LY6G6C: variants seen among roughly 807,000 people sequenced by gnomAD.
LY6G6C encodes the protein lymphocyte antigen 6 family member G6C.
In LY6G6C, 12 loss-of-function variants were observed where a neutral mutation model predicts 12.8. That is an observed-to-expected ratio of 0.94 (90% CI 0.60 to 1.52). The LOEUF is 1.52. Among genes scored for constraint, LY6G6C ranks in the 40% most tolerant of loss-of-function variants. The pLI, the probability that LY6G6C is intolerant of heterozygous loss-of-function variation, is 0.00. For missense variants in LY6G6C, 125 were observed against 155.8 expected, an observed-to-expected ratio of 0.80 and a Z score of 1.05; for synonymous variants, 42 against 61.6, an observed-to-expected ratio of 0.68 and a Z score of 1.49.
intron 1 of LY6G6C, 72 bp downstream of exon 1, chr6:31,721,556 G>A (rs1044168663): frequency 1.0e-5 from 15 of 1,440,774 alleles, no homozygotes; most frequent in Middle Eastern, 2.3e-4. Flanking sequence ...GGGTAGGGCC[G>A]GGAAGTGGGT....
chr6:31,719,357 A>C, intron 2 of LY6G6C, 47 bp from the exon 3 acceptor site: 1 of 1,543,772 alleles, frequency 6.5e-7, no homozygotes, highest in South Asian at 1.1e-5. Context: ...GGCACCTGGC[A>C]TGCCTGTGTC....
chr6:31,720,137 CG>C lies in LY6G6C; in HGVS notation c.118del (p.Arg40AlafsTer9). 6.2e-7 allele frequency: 1 copy of C among 1,613,060 alleles called. No individual in the cohort carries two copies. The highest frequency in any genetic ancestry group is 8.5e-7 in the Non-Finnish European group (1 of 1,179,964). On this transcript the variant is annotated frameshift_variant, in exon 2 of 3. Coordinates refer to ENST00000375819, the MANE Select transcript of LY6G6C (RefSeq NM_025261.3). LOFTEE classifies it high-confidence loss of function. This position sits in a 1 kb window ranked among gnomAD's most constrained non-coding sequence, Gnocchi z 4.9. The part of the protein sequence containing the change: ...VLGCVDRQSC[R>X]LEPGQQCLTT... ...CAGGCATTGCTGTCCTGGCTCCAGG[CG>C]GCAGGACTGCCGGTCCACACAGCCC...
At chr6:31,721,537 C>T in intron 1 of LY6G6C, 91 bp downstream of exon 1, 1 of 1,234,586 alleles carries the variant, frequency 8.1e-7, no homozygotes, top group Non-Finnish European at 1.2e-6. Context: ...TGTTGGGATC[C>T]CGAGTGGTGG....
Position 31,719,141 on chromosome 6 carries a change from G to A in LY6G6C, c.333C>T (p.Val111=). 6.2e-7 allele frequency: 1 copy of A among 1,614,188 alleles called. No individual in the cohort carries two copies. The highest frequency in any genetic ancestry group is 1.3e-5 in the African/African-American group (1 of 75,054). ...GPRPTPALGL[V]FLTSLAGLGL... ...CAAGGCCAGCCAAGGAGGTAAGGAA[G>A]ACAAGGCCCAGGGCTGGAGTGGGCC... The change falls in exon 3 of 3, where the codon GTC becomes GTT. Residue 111 remains valine (V), a synonymous_variant. Coordinates refer to ENST00000375819, the MANE Select transcript of LY6G6C (RefSeq NM_025261.3).
rs1030439741 is a variant in LY6G6C, at chr6:31,721,696, A to G, written c.-17T>C. On this transcript the variant is annotated 5_prime_UTR_variant, in exon 1 of 3. Coordinates refer to ENST00000375819, the MANE Select transcript of LY6G6C (RefSeq NM_025261.3). ...GGCTTTCATGGCGAGGGTCCTGAGAATGGTGGCAACCACAGCAGCTGATAG... is the reference window on the plus strand; with the variant it reads ...GGCTTTCATGGCGAGGGTCCTGAGAGTGGTGGCAACCACAGCAGCTGATAG... The G allele has an allele frequency of 1.2e-6, 2 of 1,613,872 alleles. No individual in the cohort carries two copies. The highest frequency in any genetic ancestry group is 1.7e-5 in the Admixed American group (1 of 59,994).
At chr6:31,721,521 T>TG in intron 1 of LY6G6C, 107 bp downstream of exon 1, 1 of 979,812 alleles carries the variant, frequency 1.0e-6, no homozygotes. Flanking sequence ...CAGTTGGGGC[T>TG]GGGGGTGTTG....
chr6:31,719,401 C>T (rs1806664092), intron 2 of LY6G6C, 91 bp from the exon 3 acceptor site: 1 of 1,092,892 alleles, frequency 9.2e-7, no homozygotes, highest in East Asian at 2.4e-5. Context: ...CCTAGGCTTC[C>T]TTCCTTCCCA....
chr6:31,721,697 T>C lies in LY6G6C; in HGVS notation c.-18A>G, dbSNP rs749375292. 1 of 1,613,730 alleles carries C rather than the reference T, an allele frequency of 6.2e-7. No homozygotes were observed. The highest frequency in any genetic ancestry group is 8.5e-7 in the Non-Finnish European group (1 of 1,179,744). On this transcript the variant is annotated 5_prime_UTR_variant, in exon 1 of 3. Transcript: ENST00000375819. ...GCTTTCATGGCGAGGGTCCTGAGAA[T>C]GGTGGCAACCACAGCAGCTGATAGA... is the stretch of plus-strand genomic sequence containing the variant.
At position 31,718,792 on chromosome 6, in the gene LY6G6C, G is replaced by GC. The variant is rs1220747538; in HGVS notation, c.*303dup. 1 of 482,050 alleles carries GC rather than the reference G, an allele frequency of 2.1e-6. No individual in the cohort carries two copies. The highest frequency in any genetic ancestry group is 3.4e-5 in the Admixed American group (1 of 29,400). The allele number at this position is 482,050 out of a possible 1,614,324, so 29.9% of individuals were successfully genotyped here. ...AGCCTTCACTGGGGACAACACAGAA[G>GC]CCCCATTTCAGGCCCAGATCCCAAT... On this transcript the variant is annotated 3_prime_UTR_variant, in exon 3 of 3. Transcript: ENST00000375819.
intron 1 of LY6G6C, 102 bp downstream of exon 1, chr6:31,721,526 G>C: frequency 1.9e-6 from 2 of 1,040,498 alleles, no homozygotes; most frequent in East Asian, 2.5e-5. Flanking sequence ...GGGGCTGGGG[G>C]TGTTGGGATC....
At position 31,718,881 on chromosome 6, in the gene LY6G6C, T is replaced by C. The variant is rs879314768; in HGVS notation, c.*215A>G. On this transcript the variant is annotated 3_prime_UTR_variant, in exon 3 of 3. Transcript: ENST00000375819. Reference sequence around the variant, plus strand: ...AGTGGGGAGCCCTTCTAGGAGCCAATGGAGGTCCTGGAAGGAAGTGGGAAG... The same window carrying C: ...AGTGGGGAGCCCTTCTAGGAGCCAACGGAGGTCCTGGAAGGAAGTGGGAAG... 1 of 582,770 alleles carries C rather than the reference T, an allele frequency of 1.7e-6. No individual in the cohort carries two copies. Among genetic ancestry groups the C allele is most frequent in the Non-Finnish European group, 3.1e-6 (1 of 327,698 alleles). The allele number at this position is 582,770 out of a possible 1,614,324, so 36.1% of individuals were successfully genotyped here. A position where few individuals can be genotyped will look rare whatever the true frequency, so the allele number is the denominator to read the frequency against.
Position 31,718,694 on chromosome 6 carries a change from G to T in LY6G6C, c.*402C>A. 4.0e-6 allele frequency: 1 copy of T among 250,480 alleles called. No homozygotes were observed. 15.5% of individuals were successfully genotyped at this position (250,480 alleles called of 1,614,324 possible). On this transcript the variant is annotated 3_prime_UTR_variant, in exon 3 of 3. Transcript: ENST00000375819. ...TCAAAATGGAAAGAGGTGAGTATGGGGGATGGGGTACATATGGGAGCCTGG... is the reference window on the plus strand; with the variant it reads ...TCAAAATGGAAAGAGGTGAGTATGGTGGATGGGGTACATATGGGAGCCTGG...
At position 31,720,142 on chromosome 6, in the gene LY6G6C, G is replaced by A. The variant is rs760436719; in HGVS notation, c.114C>T (p.Ser38=). ...ATTGCTGTCCTGGCTCCAGGCGGCAGGACTGCCGGTCCACACAGCCCAGCA... is the reference window on the plus strand; with the variant it reads ...ATTGCTGTCCTGGCTCCAGGCGGCAAGACTGCCGGTCCACACAGCCCAGCA... ...VPVLGCVDRQ[S]CRLEPGQQCL... is the part of the protein sequence containing the mutation. Residue 38 remains serine, a synonymous_variant, in exon 2 of 3, where the codon TCC becomes TCT. Transcript: ENST00000375819. This position sits in a 1 kb window ranked among gnomAD's most constrained non-coding sequence, Gnocchi z 4.9. 1.2e-5 allele frequency: 19 copies of A among 1,613,004 alleles called. No individual in the cohort carries two copies. The highest frequency in any genetic ancestry group is 3.3e-4 in the Middle Eastern group (2 of 6,084).
At position 31,718,943 on chromosome 6, in the gene LY6G6C, G is replaced by A; in HGVS notation, c.*153C>T. 1.5e-6 allele frequency: 1 copy of A among 650,760 alleles called. No homozygotes were observed. Among genetic ancestry groups the A allele is most frequent in the Non-Finnish European group, 2.7e-6 (1 of 375,818 alleles). 40.3% of individuals were successfully genotyped at this position (650,760 alleles called of 1,614,324 possible). ...AAGGAGAGTGAAGGGTGTGAGGTGGGAAGGATGGATGAGGAGACCACTCGG... is the reference window on the plus strand; with the variant it reads ...AAGGAGAGTGAAGGGTGTGAGGTGGAAAGGATGGATGAGGAGACCACTCGG... On this transcript the variant is annotated 3_prime_UTR_variant, in exon 3 of 3. Transcript: ENST00000375819.
intron 2 of LY6G6C, among the ~76,000 whole-genome samples, chr6:31,719,849 C>G (rs1292432571): frequency 6.6e-6 from 1 of 152,114 alleles, no homozygotes; most frequent in Non-Finnish European, 1.5e-5. Context: ...GTTACTGTCT[C>G]TTTTTGAGGC....
Position 31,718,979 on chromosome 6 carries a change from A to T in LY6G6C, c.*117T>A. ...GAGGAGACCACTCGGAACAGTGTTT[A>T]ATTAAAGAAATGGGAGCTAGGGAGA... On this transcript the variant is annotated 3_prime_UTR_variant, in exon 3 of 3. Transcript: ENST00000375819. 2 of 834,138 alleles carry T rather than the reference A, an allele frequency of 2.4e-6. No individual in the cohort carries two copies. The highest frequency in any genetic ancestry group is 3.9e-6 in the Non-Finnish European group (2 of 513,044). The allele number at this position is 834,138 out of a possible 1,614,324, so 51.7% of individuals were successfully genotyped here.
In LY6G6C at chr6:31,718,730, T is replaced by A. The variant is rs1157415963; in HGVS notation, c.*366A>T. 1.9e-5 allele frequency: 6 copies of A among 308,632 alleles called. 1 individual carries two copies. Among genetic ancestry groups the A allele is most frequent in the Non-Finnish European group, 3.6e-5 (6 of 167,220 alleles). The allele number at this position is 308,632 out of a possible 1,614,324, so 19.1% of individuals were successfully genotyped here. ...CATATGGGAGCCTGGGTTTGGGGAGTCAGCTCTGTACAGTGAGGTCATCAG... is the reference window on the plus strand; with the variant it reads ...CATATGGGAGCCTGGGTTTGGGGAGACAGCTCTGTACAGTGAGGTCATCAG... On this transcript the variant is annotated 3_prime_UTR_variant, in exon 3 of 3. Coordinates refer to ENST00000375819, the MANE Select transcript of LY6G6C (RefSeq NM_025261.3).
In LY6G6C at chr6:31,719,075, G is replaced by A. The variant is rs763212509; in HGVS notation, c.*21C>T. The A allele has an allele frequency of 6.2e-7, 1 of 1,601,744 alleles. No individual in the cohort carries two copies. Among genetic ancestry groups the A allele is most frequent in the Non-Finnish European group, 8.5e-7 (1 of 1,169,656 alleles). On this transcript the variant is annotated 3_prime_UTR_variant, in exon 3 of 3. Transcript: ENST00000375819. ...CTCAGGCCAAGGCAGGTGGGAGGAG[G>A]GGCAGCCAATGGAATGAGTCTCAGT... is the stretch of plus-strand genomic sequence containing the variant.
In LY6G6C at chr6:31,721,731, T is replaced by C. The variant is rs769418639; in HGVS notation, c.-52A>G. ...CCACAGCAGCTGATAGAGTAGATTT[T>C]CAAGGATCCAGCTCTAGGAGTTGAG... On this transcript the variant is annotated 5_prime_UTR_variant, in exon 1 of 3. Transcript: ENST00000375819. 1.9e-6 allele frequency: 3 copies of C among 1,596,646 alleles called. No homozygotes were observed. Among genetic ancestry groups the C allele is most frequent in the South Asian group, 1.1e-5 (1 of 90,566 alleles).
Sources: gnomAD v4.1 joint callset for allele counts (sites outside exome capture counted in the v4.1 genomes callset) on GRCh38, gnomAD v4.1.1 for gene constraint, Gnocchi (gnomAD v3.1) non-coding constraint, MANE v1.5 for transcripts, NCBI Gene and HGNC (gene_info 2026-07-23, HGNC 2026-07-21) for gene names.